The following MLLT3 variants were observed in gnomAD, a reference collection of about 807,000 sequenced individuals.
MLLT3 encodes the protein MLLT3 super elongation complex subunit, also known as protein AF-9.
MLLT3 carries 4 observed loss-of-function variants against 53.2 expected under a neutral mutation model. That is an observed-to-expected ratio of 0.08 (90% confidence interval 0.04 to 0.17). The LOEUF (loss-of-function observed/expected upper bound fraction) is 0.17, where lower values mean the gene tolerates loss of function less well. MLLT3 is among the 10% of genes least tolerant of loss of function. The probability of loss-of-function intolerance (pLI) is 1.00; values close to 1 mark genes in which losing one functional copy is unlikely to be tolerated. For synonymous variants in MLLT3, 283 were observed against 230.6 expected (o/e 1.23, Z -2.06); for missense variants, 569 against 684.0 (o/e 0.83, Z 1.87).
At chr9:20,520,213 A>G (rs1338378910) in intron 2 of MLLT3, among the ~76,000 whole-genome samples, 2 of 152,138 alleles carry the variant, frequency 1.3e-5, no homozygotes, top group Admixed American at 6.5e-5. Flanking sequence ...TGGAGAGTGA[A>G]AGGAGGGAGA....
chr9:20,357,272 T>C (rs1388090503), intron 8 of MLLT3, among the ~76,000 whole-genome samples: 2 of 152,170 alleles, frequency 1.3e-5, no homozygotes, highest in Admixed American at 1.3e-4. Flanking sequence ...GCCAAGCTTC[T>C]GGCTAAAAAA....
At chr9:20,564,139 T>A (rs988259060) in intron 2 of MLLT3, among the ~76,000 whole-genome samples, 2 of 152,130 alleles carry the variant, frequency 1.3e-5, no homozygotes, top group Non-Finnish European at 2.9e-5. Flanking sequence ...AGGTAATATA[T>A]CATCCCTGAG....
In MLLT3 at chr9:20,542,783, C is replaced by T. The variant is rs564377733; in HGVS notation, c.193+77871G>A. On this transcript the variant is annotated intron_variant, in intron 2 of 10. Transcript: ENST00000380338. ...TGTCCTTTGAAGATTTGAAGCTAGG[C>T]ATTGACTCCTCATCCTGGATGGTAT... Among the ~76,000 whole-genome samples the T allele has an allele frequency of 5.3e-5, 8 of 152,280 alleles. No homozygotes were observed. In the South Asian group the frequency reaches 1.7e-3, roughly 32 times the overall value.
At chr9:20,358,904 C>T (rs1289393921) in intron 8 of MLLT3, among the ~76,000 whole-genome samples, 1 of 151,918 alleles carries the variant, frequency 6.6e-6, no homozygotes, top group East Asian at 1.9e-4. Flanking sequence ...TGCCTGTAAT[C>T]CCAGCACTTT....
intron 5 of MLLT3, among the ~76,000 whole-genome samples, chr9:20,406,856 G>T (rs1257792087): frequency 6.6e-6 from 1 of 152,138 alleles, no homozygotes; most frequent in Non-Finnish European, 1.5e-5. Flanking sequence ...CTTAATAGCA[G>T]GATCTTTGAC....
chr9:20,359,145 CAAAAAAAAAAAAAAAAA>C (rs920197622), intron 8 of MLLT3, among the ~76,000 whole-genome samples: 16 of 20,964 alleles, frequency 7.6e-4, no homozygotes, highest in Admixed American at 5.1e-4. Context: ...AACTCCATCT[CAAAAAAAAAAAAAAAAA>C]AAAAAAAAAA....
chr9:20,460,450 G>A (rs1435695050), intron 2 of MLLT3, among the ~76,000 whole-genome samples: 1 of 152,000 alleles, frequency 6.6e-6, no homozygotes, highest in African/African-American at 2.4e-5. Context: ...ATTAATTCAG[G>A]CAAAATCATT....
chr9:20,515,407 G>A (rs547475912), intron 2 of MLLT3, among the ~76,000 whole-genome samples: 1 of 152,242 alleles, frequency 6.6e-6, no homozygotes, highest in South Asian at 2.1e-4. Context: ...TGCGGGACCT[G>A]GTGAATAGGG....
In MLLT3 at chr9:20,583,982, AG is replaced by A. The variant is rs1819878140; in HGVS notation, c.193+36671del. Among the ~76,000 whole-genome samples the A allele has an allele frequency of 3.3e-5, 5 of 152,318 alleles. No individual in the cohort carries two copies. The South Asian group carries it at 8.3e-4, about 25-fold the overall frequency. On this transcript the variant is annotated intron_variant, in intron 2 of 10. Transcript: ENST00000380338. ...GGGTTTTCTTTTCTATCACATTATC[AG>A]GCTGCAAATTTTTGAAACTTCTATG...
At chr9:20,425,722 T>C (rs796515139) in intron 4 of MLLT3, among the ~76,000 whole-genome samples, 22 of 149,590 alleles carry the variant, frequency 1.5e-4, no homozygotes, top group African/African-American at 5.1e-4. Context: ...CTTACATCAT[T>C]AATAAGATGA....
At chr9:20,562,946 C>T (rs922835316) in intron 2 of MLLT3, among the ~76,000 whole-genome samples, 5 of 152,256 alleles carry the variant, frequency 3.3e-5, no homozygotes, top group African/African-American at 9.6e-5. Context: ...TTTACTTATA[C>T]TGTACCCAAT....
intron 2 of MLLT3, among the ~76,000 whole-genome samples, chr9:20,477,763 C>T (rs1824562667): frequency 6.6e-6 from 1 of 152,084 alleles, no homozygotes; most frequent in Admixed American, 6.6e-5. Context: ...TATTATCAAC[C>T]TAATCCCAAT....
intron 4 of MLLT3, among the ~76,000 whole-genome samples, chr9:20,430,309 G>A (rs1222580523): frequency 6.6e-6 from 1 of 152,020 alleles, no homozygotes; most frequent in Non-Finnish European, 1.5e-5. Context: ...CTTACACTGA[G>A]TCTAAAATGT....
chr9:20,343,392 A>G lies in MLLT3; in HGVS notation c.*3051T>C, dbSNP rs1183903102. ...TTATAGTCTTCCCTACCTTGACACTATATGAACGCATTTATAGACATACCT... is the reference window on the plus strand; with the variant it reads ...TTATAGTCTTCCCTACCTTGACACTGTATGAACGCATTTATAGACATACCT... On this transcript the variant is annotated 3_prime_UTR_variant, in exon 11 of 11. Transcript: ENST00000380338. The G allele has an allele frequency of 4.7e-6, 1 of 212,376 alleles. No individual in the cohort carries two copies. The highest frequency in any genetic ancestry group is 2.3e-5 in the African/African-American group (1 of 44,088). 13.2% of individuals were successfully genotyped at this position (212,376 alleles called of 1,614,324 possible).
intron 8 of MLLT3, among the ~76,000 whole-genome samples, chr9:20,358,657 G>T (rs1392813656): frequency 6.6e-6 from 1 of 152,112 alleles, no homozygotes; most frequent in Non-Finnish European, 1.5e-5. Context: ...GGCATGAAAG[G>T]TGCTTGCTGG....
chr9:20,584,236 C>T (rs1480909692), intron 2 of MLLT3, among the ~76,000 whole-genome samples: 3 of 151,182 alleles, frequency 2.0e-5, no homozygotes, highest in Admixed American at 1.3e-4. Flanking sequence ...CATCTGAGAC[C>T]ACCTCAGCCT....
Position 20,615,502 on chromosome 9 carries a change from G to A in MLLT3, c.193+5152C>T, listed in dbSNP as rs140820888. 4.0e-5 allele frequency among the ~76,000 whole-genome samples: 6 copies of A among 150,488 alleles called. No individual in the cohort carries two copies. In the East Asian group the frequency reaches 9.9e-4, roughly 25 times the overall value. On this transcript the variant is annotated intron_variant, in intron 2 of 10. Coordinates refer to ENST00000380338, the MANE Select transcript of MLLT3 (RefSeq NM_004529.4). ...AGGTAATCATTCACCGGAATTTAAT[G>A]AGGCAAATACCTTGGAAGATTTACC...
chr9:20,379,849 A>C (rs973235595), intron 5 of MLLT3, among the ~76,000 whole-genome samples: 1 of 152,054 alleles, frequency 6.6e-6, no homozygotes. Context: ...TTAAACAGGC[A>C]CCATGACTCC....
At chr9:20,421,220 C>A (rs542768994) in intron 4 of MLLT3, among the ~76,000 whole-genome samples, 1 of 151,854 alleles carries the variant, frequency 6.6e-6, no homozygotes, top group African/African-American at 2.4e-5. Context: ...GCCAAGATTG[C>A]GCCACTGCAC....
Sources: allele counts gnomAD v4.1 joint callset (sites outside exome capture counted in the v4.1 genomes callset), GRCh38; gene constraint gnomAD v4.1.1; transcripts MANE v1.5; gene names NCBI Gene and HGNC (gene_info 2026-07-23, HGNC 2026-07-21).